Variants in LHFPL3 observed in about 807,000 individuals in gnomAD.
LHFPL3 encodes LHFPL tetraspan subfamily member 3.
LHFPL3 carries 5 observed loss-of-function variants against 19.3 expected under a neutral mutation model. That is an observed-to-expected ratio of 0.26 (90% confidence interval 0.14 to 0.54). The LOEUF (loss-of-function observed/expected upper bound fraction) is 0.54. LHFPL3 is among the 20% of genes least tolerant of loss of function. LHFPL3 has a pLI of 0.94. For missense variants in LHFPL3, 249 were observed against 307.4 expected, an observed-to-expected ratio of 0.81 and a Z score of 1.42; for synonymous variants, 133 against 126.2, an observed-to-expected ratio of 1.05 and a Z score of -0.36.
chr7:104,812,961 A>C (rs2116505305), intron 2 of LHFPL3, among the ~76,000 whole-genome samples: 1 of 152,088 alleles, frequency 6.6e-6, no homozygotes. Context: ...AAAATACAAA[A>C]AAATAGCTGG....
chr7:104,404,452 A>C (rs1354591738), intron 1 of LHFPL3, among the ~76,000 whole-genome samples: 1 of 152,262 alleles, frequency 6.6e-6, no homozygotes, highest in Non-Finnish European at 1.5e-5. Flanking sequence ...ATTATTGGTC[A>C]ATTTTTACTG....
At chr7:104,830,030 G>C (rs541480295) in intron 2 of LHFPL3, among the ~76,000 whole-genome samples, 1,846 of 152,074 alleles carry the variant, frequency 0.012, 59 homozygotes, top group African/African-American at 0.042. Context: ...ATTCTAACTG[G>C]TGTGAGATGG....
chr7:104,866,234 T>A (rs867722808), intron 2 of LHFPL3, among the ~76,000 whole-genome samples: 13 of 152,276 alleles, frequency 8.5e-5, no homozygotes, highest in Middle Eastern at 3.4e-3. Flanking sequence ...AATATTAACC[T>A]TAAATGTAAA....
intron 1 of LHFPL3, among the ~76,000 whole-genome samples, chr7:104,685,667 G>T (rs1792791097): frequency 6.6e-6 from 1 of 152,214 alleles, no homozygotes; most frequent in South Asian, 2.1e-4. Context: ...GTAGCCACAA[G>T]AAGTCAGCTG....
intron 1 of LHFPL3, among the ~76,000 whole-genome samples, chr7:104,499,199 CAG>C (rs1237509015): frequency 1.1e-4 from 17 of 152,168 alleles, no homozygotes; most frequent in Non-Finnish European, 2.5e-4. Flanking sequence ...AGTCAGGAGA[CAG>C]AGTCTAGTTT....
chr7:104,566,818 A>G (rs1790133641), intron 1 of LHFPL3, among the ~76,000 whole-genome samples: 1 of 152,236 alleles, frequency 6.6e-6, no homozygotes, highest in Non-Finnish European at 1.5e-5. Flanking sequence ...TCAAGCACCA[A>G]AGGAAAACAT....
At chr7:104,637,700 G>A (rs1350053155) in intron 1 of LHFPL3, among the ~76,000 whole-genome samples, 2 of 152,062 alleles carry the variant, frequency 1.3e-5, no homozygotes, top group African/African-American at 2.4e-5. Context: ...TAGATGTCCA[G>A]CCTTATGTCG....
At chr7:104,532,700 CTATT>C (rs1794325038) in intron 1 of LHFPL3, among the ~76,000 whole-genome samples, 1 of 152,144 alleles carries the variant, frequency 6.6e-6, no homozygotes, top group South Asian at 2.1e-4. Context: ...CAGGCCATCT[CTATT>C]TCTTTCTCTG....
At chr7:104,705,695 A>G (rs1793178839) in intron 1 of LHFPL3, among the ~76,000 whole-genome samples, 1 of 152,164 alleles carries the variant, frequency 6.6e-6, no homozygotes. Context: ...CATGAGGTTG[A>G]GCATGAAAAT....
chr7:104,822,786 G>A (rs1790700557), intron 2 of LHFPL3, among the ~76,000 whole-genome samples: 1 of 152,094 alleles, frequency 6.6e-6, no homozygotes, highest in African/African-American at 2.4e-5. Flanking sequence ...CAAACACAGG[G>A]AGAAAGGACA....
chr7:104,452,419 C>T (rs1260327230), intron 1 of LHFPL3, among the ~76,000 whole-genome samples: 1 of 152,038 alleles, frequency 6.6e-6, no homozygotes, highest in Non-Finnish European at 1.5e-5. Context: ...TAAATTATTT[C>T]CTTAGGATAC....
chr7:104,368,194 T>C (rs1373196777), intron 1 of LHFPL3, among the ~76,000 whole-genome samples: 1 of 152,258 alleles, frequency 6.6e-6, no homozygotes, highest in Non-Finnish European at 1.5e-5. Context: ...AGGCAGCTTT[T>C]GCTGCCTTTA....
chr7:104,661,244 G>T (rs1159594240), intron 1 of LHFPL3, among the ~76,000 whole-genome samples: 1 of 152,218 alleles, frequency 6.6e-6, no homozygotes, highest in Non-Finnish European at 1.5e-5. Flanking sequence ...AAACCTCGTT[G>T]ATCTTCAGAA....
chr7:104,492,931 T>C (rs531835217), intron 1 of LHFPL3, among the ~76,000 whole-genome samples: 1 of 152,218 alleles, frequency 6.6e-6, no homozygotes, highest in Non-Finnish European at 1.5e-5. Context: ...CACTAGATTC[T>C]TCTCTTGAGT....
At chr7:104,509,777 C>T (rs755603617) in intron 1 of LHFPL3, among the ~76,000 whole-genome samples, 2 of 151,872 alleles carry the variant, frequency 1.3e-5, no homozygotes, top group Admixed American at 6.6e-5. Context: ...AAAAGACATA[C>T]AGATACAAAG....
chr7:104,464,331 C>T (rs1219392265), intron 1 of LHFPL3, among the ~76,000 whole-genome samples: 2 of 152,180 alleles, frequency 1.3e-5, no homozygotes, highest in Admixed American at 1.3e-4. Context: ...GTGGCTTTTC[C>T]AGGCTCATGG....
At chr7:104,592,527 A>G (rs1003941376) in intron 1 of LHFPL3, among the ~76,000 whole-genome samples, 1 of 152,126 alleles carries the variant, frequency 6.6e-6, no homozygotes. Flanking sequence ...ACTGGGAAGT[A>G]TCTCCCAGTT....
intron 1 of LHFPL3, among the ~76,000 whole-genome samples, chr7:104,357,321 C>T (rs1790299247): frequency 6.6e-6 from 1 of 152,132 alleles, no homozygotes; most frequent in African/African-American, 2.4e-5. Context: ...TTTTGACAGC[C>T]AGCTACCAGG....
chr7:104,554,458 A>G (rs1794719842), intron 1 of LHFPL3, among the ~76,000 whole-genome samples: 1 of 152,122 alleles, frequency 6.6e-6, no homozygotes, highest in Admixed American at 6.6e-5. Flanking sequence ...TATTATATAA[A>G]CAAATATGAA....
Sources: allele counts gnomAD v4.1 joint callset (sites outside exome capture counted in the v4.1 genomes callset), GRCh38; gene constraint gnomAD v4.1.1; transcripts MANE v1.5; gene names NCBI Gene and HGNC (gene_info 2026-07-23, HGNC 2026-07-21).